The following LRFN5 variants were observed in gnomAD, a reference collection of about 807,000 sequenced individuals.
LRFN5 encodes the protein leucine rich repeat and fibronectin type III domain containing 5, also known as leucine-rich repeat and fibronectin type-III domain-containing protein 5.
In LRFN5, 24 loss-of-function variants were observed where a neutral mutation model predicts 45.6. The observed-to-expected ratio is 0.53, with a 90% CI of 0.38 to 0.74. LRFN5 has a LOEUF of 0.74. LRFN5 is among the 30% of genes least tolerant of loss of function. The pLI is 0.00. For synonymous variants in LRFN5, 340 were observed against 313.8 expected (o/e 1.08, Z -0.88); for missense variants, 776 against 861.5 (o/e 0.90, Z 1.24).
chr14:41,692,222 A>G (rs895577791), intron 1 of LRFN5, among the ~76,000 whole-genome samples: 1 of 152,054 alleles, frequency 6.6e-6, no homozygotes, highest in African/African-American at 2.4e-5. Flanking sequence ...GCTCCACATC[A>G]TTGCCAATAT....
In LRFN5 at chr14:41,607,580, CTT is replaced by C. The variant is rs1020224593; in HGVS notation, c.-1176_-1175del. On this transcript the variant is annotated 5_prime_UTR_variant, in exon 1 of 6. It removes the in-frame stop codon of an upstream open reading frame in the 5' UTR. Coordinates refer to ENST00000298119, the MANE Select transcript of LRFN5 (RefSeq NM_152447.5). The stretch of plus-strand genomic sequence containing the variant: ...GCGCCTATCTGATGCATTTGACTGT[CTT>C]TTATCCAACTGCCCAGAAGCAAATG... 1 of 152,132 alleles carries C rather than the reference CTT, an allele frequency of 6.6e-6. No homozygotes were observed. Among genetic ancestry groups the C allele is most frequent in the African/African-American group, 2.4e-5 (1 of 41,418 alleles). The allele number at this position is 152,132 out of a possible 1,614,324, so 9.4% of individuals were successfully genotyped here. A position where few individuals can be genotyped will look rare whatever the true frequency, so the allele number is the denominator to read the frequency against.
chr14:41,641,796 A>G (rs1254156970), intron 1 of LRFN5, among the ~76,000 whole-genome samples: 1 of 152,128 alleles, frequency 6.6e-6, no homozygotes, highest in African/African-American at 2.4e-5. Flanking sequence ...AATATCAGAA[A>G]ATGAAGTTTT....
chr14:41,838,261 A>T (rs530026983), intron 2 of LRFN5, among the ~76,000 whole-genome samples: 1 of 152,156 alleles, frequency 6.6e-6, no homozygotes, highest in Non-Finnish European at 1.5e-5. Context: ...AACTATTATG[A>T]GATTTTAATG....
chr14:41,668,516 A>C (rs1391748962), intron 1 of LRFN5, among the ~76,000 whole-genome samples: 4 of 152,174 alleles, frequency 2.6e-5, no homozygotes, highest in African/African-American at 9.6e-5. Context: ...TAGTCAAATA[A>C]AAAATCCTGG....
At chr14:41,704,448 C>CTCTCTGTGTGTGTGTGTGTGTG (rs200253065) in intron 1 of LRFN5, among the ~76,000 whole-genome samples, 36 of 124,286 alleles carry the variant, frequency 2.9e-4, no homozygotes, top group African/African-American at 8.1e-4. Flanking sequence ...CTCTCTCTCT[C>CTCTCTGTGTGTGTGTGTGTGTG]TGTGTGTGTG....
intron 2 of LRFN5, among the ~76,000 whole-genome samples, chr14:41,837,526 CT>C (rs1433611362): frequency 1.3e-5 from 2 of 152,162 alleles, no homozygotes; most frequent in African/African-American, 4.8e-5. Context: ...TAAAAGCAAC[CT>C]CTCAGCTGTA....
chr14:41,660,486 CTGT>C (rs1880597275), intron 1 of LRFN5, among the ~76,000 whole-genome samples: 1 of 152,072 alleles, frequency 6.6e-6, no homozygotes, highest in Admixed American at 6.6e-5. Flanking sequence ...AGAAAACATG[CTGT>C]TGTTGTCTAC....
chr14:41,615,414 G>A (rs145857314), intron 1 of LRFN5, among the ~76,000 whole-genome samples: 1 of 152,186 alleles, frequency 6.6e-6, no homozygotes, highest in East Asian at 1.9e-4. Context: ...CACAATTGCT[G>A]TGCTTATGAC....
intron 1 of LRFN5, among the ~76,000 whole-genome samples, chr14:41,741,615 G>T (rs1464918870): frequency 1.3e-5 from 2 of 151,650 alleles, no homozygotes; most frequent in Non-Finnish European, 2.9e-5. Context: ...TAGGGTAAAA[G>T]CTTCATAATT....
intron 1 of LRFN5, among the ~76,000 whole-genome samples, chr14:41,631,202 A>G (rs1441897700): frequency 2.0e-5 from 3 of 152,184 alleles, no homozygotes; most frequent in African/African-American, 4.8e-5. Flanking sequence ...CTCTGTTTAC[A>G]CTGTTCACAA....
chr14:41,798,355 T>C (rs1008618882), intron 2 of LRFN5, among the ~76,000 whole-genome samples: 15 of 151,982 alleles, frequency 9.9e-5, no homozygotes, highest in Non-Finnish European at 1.3e-4. Flanking sequence ...GAATCCAGGA[T>C]TTATGGTACC....
intron 2 of LRFN5, among the ~76,000 whole-genome samples, chr14:41,807,587 AG>A (rs1222965092): frequency 6.6e-6 from 1 of 152,176 alleles, no homozygotes; most frequent in Non-Finnish European, 1.5e-5. Flanking sequence ...CTTTGCAAGA[AG>A]ATCCTGAGCA....
chr14:41,628,993 C>G (rs892962008), intron 1 of LRFN5, among the ~76,000 whole-genome samples: 3 of 152,042 alleles, frequency 2.0e-5, no homozygotes, highest in Non-Finnish European at 4.4e-5. Flanking sequence ...CTGTTAAAAT[C>G]CAGTTGTTAG....
At position 41,813,592 on chromosome 14, in the gene LRFN5, T is replaced by A. The variant is rs193137871; in HGVS notation, c.-21+46563T>A. On this transcript the variant is annotated intron_variant, in intron 2 of 5. Coordinates refer to ENST00000298119, the MANE Select transcript of LRFN5 (RefSeq NM_152447.5). ...GCCACATTTTCTTATCCATCTATCA[T>A]TGATGGACATTTAAGTTGGTTCCAA... Among the ~76,000 whole-genome samples, 16 of 152,296 alleles carry A rather than the reference T, an allele frequency of 1.1e-4. No homozygotes were observed. The East Asian group carries it at 3.1e-3, about 29-fold the overall frequency.
chr14:41,894,925 T>C (rs1890890988), intron 4 of LRFN5: 3 of 983,628 alleles, frequency 3.0e-6, no homozygotes, highest in Middle Eastern at 5.2e-4. Context: ...CTGAAGCATC[T>C]GGTTTGCTGT....
chr14:41,809,966 TA>T (rs1366012373), intron 2 of LRFN5, among the ~76,000 whole-genome samples: 22 of 152,188 alleles, frequency 1.4e-4, no homozygotes, highest in Admixed American at 9.2e-4. Flanking sequence ...TTACCAAAAC[TA>T]TGACCAGAAA....
At chr14:41,632,359 T>G (rs962301144) in intron 1 of LRFN5, among the ~76,000 whole-genome samples, 1 of 152,170 alleles carries the variant, frequency 6.6e-6, no homozygotes, top group African/African-American at 2.4e-5. Context: ...ATCCCAGCAC[T>G]TTGGGAGGCT....
rs113431758 is a variant in LRFN5, at chr14:41,771,508, A to G, written c.-21+4479A>G. ...ATAATTTAGGCTGTTAGAAGGAGCC[A>G]TGTCACTTCTTGAACATTTTGCTGC... On this transcript the variant is annotated intron_variant, in intron 2 of 5. Transcript: ENST00000298119. Among the ~76,000 whole-genome samples, 1,030 of 152,188 alleles carry G rather than the reference A, an allele frequency of 6.8e-3. 12 individuals carry two copies. Among genetic ancestry groups the G allele is most frequent in the African/African-American group, 0.024 (988 of 41,550 alleles).
chr14:41,711,644 A>C (rs1883288831), intron 1 of LRFN5, among the ~76,000 whole-genome samples: 1 of 152,212 alleles, frequency 6.6e-6, no homozygotes. Flanking sequence ...TGTTTAATGG[A>C]TAGCTTGCAG....
Sources: gnomAD v4.1 joint callset for allele counts (sites outside exome capture counted in the v4.1 genomes callset) on GRCh38, gnomAD v4.1.1 for gene constraint, MANE v1.5 for transcripts, NCBI Gene and HGNC (gene_info 2026-07-23, HGNC 2026-07-21) for gene names.